Variants in OPA3 observed in about 807,000 individuals in gnomAD.
OPA3 encodes the protein outer mitochondrial membrane lipid metabolism regulator OPA3, also known as optic atrophy 3 protein.
A neutral mutation model predicts 4.0 loss-of-function variants in OPA3; 6 were observed. The ratio of observed to expected loss-of-function variants is 1.51; its 90% CI spans 0.83 to 2.99. OPA3 has a LOEUF of 2.99. OPA3 is among the 30% of genes most tolerant of loss of function. The pLI, the probability that OPA3 is intolerant of heterozygous loss-of-function variation, is 0.00. For synonymous variants in OPA3, 105 were observed against 117.1 expected, an observed-to-expected ratio of 0.90 and a Z score of 0.67; for missense variants, 235 against 256.2, an observed-to-expected ratio of 0.92 and a Z score of 0.56.
intron 1 of OPA3, 95 bp from the exon 2 acceptor site, chr19:45,554,006 C>G: frequency 3.0e-6 from 3 of 996,224 alleles, no homozygotes; most frequent in East Asian, 2.6e-5. Flanking sequence ...GCCTGGGTAA[C>G]CCAGGGGTCT....
chr19:45,559,385 CTCT>C (rs1363793719), intron 1 of OPA3, among the ~76,000 whole-genome samples: 4 of 134,472 alleles, frequency 3.0e-5, no homozygotes, highest in Non-Finnish European at 6.1e-5. Flanking sequence ...TCTTCTTTCC[CTCT>C]TTTTCTTTCT....
intron 1 of OPA3, among the ~76,000 whole-genome samples, chr19:45,574,876 T>G (rs1969744232): frequency 6.6e-6 from 1 of 152,098 alleles, no homozygotes; most frequent in African/African-American, 2.4e-5. Flanking sequence ...CCATGTGAGA[T>G]ATTCAGCTAC....
At chr19:45,544,909 G>A (rs1389833946), downstream of OPA3, among the ~76,000 whole-genome samples, 1 of 152,006 alleles carries the variant, frequency 6.6e-6, no homozygotes, top group Non-Finnish European at 1.5e-5. Flanking sequence ...CTTGAAGCCA[G>A]GAGGCGGAGG....
chr19:45,539,492 T>A (rs547482382), intron 1 of OPA3, among the ~76,000 whole-genome samples: 16 of 152,168 alleles, frequency 1.1e-4, no homozygotes, highest in African/African-American at 3.6e-4. Context: ...AATTTCTGTA[T>A]GTTTTGTAGA....
chr19:45,532,252 C>T (rs970479577), intron 1 of OPA3, among the ~76,000 whole-genome samples: 1 of 152,136 alleles, frequency 6.6e-6, no homozygotes, highest in African/African-American at 2.4e-5. Flanking sequence ...ACAACTGTAC[C>T]AGGTATTAAA....
In OPA3 at chr19:45,549,452, T is replaced by C. The variant is rs1244465931; in HGVS notation, c.*4062A>G. 1 of 984,190 alleles carries C rather than the reference T, an allele frequency of 1.0e-6. No homozygotes were observed. The highest frequency in any genetic ancestry group is 1.2e-6 in the Non-Finnish European group (1 of 829,834). The allele number at this position is 984,190 out of a possible 1,614,324, so 61.0% of individuals were successfully genotyped here. A position where few individuals can be genotyped will look rare whatever the true frequency, so the allele number is the denominator to read the frequency against. ...GTCAGGACAGCGCTGGGGTCAGGAA[T>C]TGGAGCTCCTGCCTGTGTTCACACT... is the stretch of plus-strand genomic sequence containing the variant. On this transcript the variant is annotated 3_prime_UTR_variant, in exon 2 of 2. Coordinates refer to ENST00000263275, the MANE Select transcript of OPA3 (RefSeq NM_025136.4).
rs745552499 is a variant in OPA3, at chr19:45,584,718, A to T, written c.47T>A (p.Ile16Asn). The change falls in exon 1 of 2, where the codon ATC becomes AAC. Residue 16 changes from isoleucine to asparagine, a missense_variant. Physicochemically the swap from Ile to Asn is moderately radical, Grantham distance 149. Coordinates refer to ENST00000263275, the MANE Select transcript of OPA3 (RefSeq NM_025136.4). ...GGCAAGCGGCTTGCTGACCTGCCGG[A>T]TGCCCAAGTATAGCAGCTTCGCCAT... The part of the protein sequence containing the change: ...FPMAKLLYLG[I>N]RQVSKPLANR... 1 of 1,614,144 alleles carries T rather than the reference A, an allele frequency of 6.2e-7. No homozygotes were observed. Among genetic ancestry groups the T allele is most frequent in the South Asian group, 1.1e-5 (1 of 91,082 alleles).
At chr19:45,529,575 G>A (rs1029838515) in intron 1 of OPA3, 18 of 1,292,746 alleles carry the variant, frequency 1.4e-5, no homozygotes, top group Non-Finnish European at 1.9e-5. Context: ...AATCGGACGC[G>A]TGCTGGCGGG....
intron 1 of OPA3, among the ~76,000 whole-genome samples, chr19:45,558,890 C>CT (rs528453435): frequency 7.5e-5 from 11 of 146,288 alleles, no homozygotes; most frequent in South Asian, 6.5e-4. Context: ...GACTTTGGTG[C>CT]TTTTTTTTTT....
chr19:45,569,480 AG>A (rs1335007368), intron 1 of OPA3, among the ~76,000 whole-genome samples: 1 of 152,146 alleles, frequency 6.6e-6, no homozygotes, highest in East Asian at 1.9e-4. Context: ...AAAAGATTTC[AG>A]AACAACTTCA....
At chr19:45,570,812 G>A (rs1043969552) in intron 1 of OPA3, among the ~76,000 whole-genome samples, 28 of 150,280 alleles carry the variant, frequency 1.9e-4, no homozygotes, top group African/African-American at 6.4e-4. Context: ...GTAGCGAGCC[G>A]AGATTGTGCC....
At chr19:45,565,744 C>T (rs1313398089) in intron 1 of OPA3, among the ~76,000 whole-genome samples, 3 of 152,030 alleles carry the variant, frequency 2.0e-5, no homozygotes, top group African/African-American at 4.8e-5. Flanking sequence ...CCTCAGCCTC[C>T]CAGAGGCTGG....
intron 1 of OPA3, among the ~76,000 whole-genome samples, chr19:45,537,064 T>C (rs1969126193): frequency 6.6e-6 from 1 of 152,166 alleles, no homozygotes; most frequent in African/African-American, 2.4e-5. Flanking sequence ...ACCCCATCTC[T>C]ACAAAAAATA....
intron 1 of OPA3, among the ~76,000 whole-genome samples, chr19:45,567,970 T>G (rs1969607708): frequency 6.6e-6 from 1 of 152,140 alleles, no homozygotes; most frequent in Non-Finnish European, 1.5e-5. Context: ...CCAGATGTGA[T>G]CCAGTCAGAT....
chr19:45,529,377 A>C lies in OPA3; in HGVS notation c.222T>G (p.Gly74=), dbSNP rs1057520935. 6.2e-7 allele frequency: 1 copy of C among 1,614,174 alleles called. No individual in the cohort carries two copies. Residue 74 remains glycine, a synonymous_variant, in exon 2 of 2, where the codon GGT becomes GGG. Coordinates refer to the OPA3 transcript ENST00000323060. ...GCTCCGCGCCCAGCTCGGCGGCTGC[A>C]CCCTCGTTCAGCGGCTTGATGGCAG...
intron 1 of OPA3, among the ~76,000 whole-genome samples, chr19:45,540,378 G>A (rs939919042): frequency 6.6e-6 from 1 of 151,748 alleles, no homozygotes. Flanking sequence ...TTCATGGTGT[G>A]TAGATTATGC....
chr19:45,563,846 G>A (rs1052763118), intron 1 of OPA3, among the ~76,000 whole-genome samples: 11 of 149,824 alleles, frequency 7.3e-5, no homozygotes, highest in East Asian at 3.9e-4. Context: ...GAGCCACCGC[G>A]CCCGGCCTTT....
At chr19:45,563,358 C>T (rs1048597520) in intron 1 of OPA3, among the ~76,000 whole-genome samples, 28 of 151,358 alleles carry the variant, frequency 1.8e-4, no homozygotes, top group Admixed American at 6.6e-5. Context: ...CGGGGTTTCA[C>T]CGTGTTAGCC....
chr19:45,559,393 C>CTTTTTTTTTTTTTTTTTTTTTTTTT lies in OPA3; in HGVS notation c.143-5483_143-5482insAAAAAAAAAAAAAAAAAAAAAAAAA, dbSNP rs1411300137. 3.1e-5 allele frequency among the ~76,000 whole-genome samples: 3 copies of CTTTTTTTTTTTTTTTTTTTTTTTTT among 97,824 alleles called. 1 individual carries two copies. Among genetic ancestry groups the CTTTTTTTTTTTTTTTTTTTTTTTTT allele is most frequent in the Non-Finnish European group, 1.8e-5 (1 of 54,268 alleles). The allele number at this position is 97,824 out of a possible 152,430, so 64.2% of individuals were successfully genotyped here. Reference sequence around the variant, plus strand: ...TTCTCTCTCTTCTTTCCCTCTTTTTCTTTCTTTTTTTTTTTTTTTTTTTTT... The same window carrying CTTTTTTTTTTTTTTTTTTTTTTTTT: ...TTCTCTCTCTTCTTTCCCTCTTTTTCTTTTTTTTTTTTTTTTTTTTTTTTTTTTCTTTTTTTTTTTTTTTTTTTTT... On this transcript the variant is annotated intron_variant, in intron 1 of 1. Coordinates refer to ENST00000263275, the MANE Select transcript of OPA3 (RefSeq NM_025136.4).
Sources: gnomAD v4.1 joint callset for allele counts (sites outside exome capture counted in the v4.1 genomes callset) on GRCh38, gnomAD v4.1.1 for gene constraint, MANE v1.5 for transcripts, NCBI Gene and HGNC (gene_info 2026-07-23, HGNC 2026-07-21) for gene names.